Variants in SORCS1 observed in about 807,000 individuals in gnomAD.
The protein encoded by SORCS1 is sortilin related VPS10 domain containing receptor 1.
SORCS1 carries 60 observed loss-of-function variants against 146.1 expected under a neutral mutation model. The observed-to-expected ratio is 0.41, with a 90% CI of 0.33 to 0.51. The LOEUF (loss-of-function observed/expected upper bound fraction) is 0.51. Ranked by LOEUF, SORCS1 falls within the 20% of genes least tolerant of loss-of-function variation. The pLI is 0.21. For missense variants in SORCS1, 1,352 were observed against 1,487.6 expected (o/e 0.91, Z 1.50); for synonymous variants, 637 against 584.0 (o/e 1.09, Z -1.31).
chr10:106,579,808 T>C (rs979523209), intron 24 of SORCS1, among the ~76,000 whole-genome samples: 2 of 152,188 alleles, frequency 1.3e-5, no homozygotes, highest in African/African-American at 4.8e-5. Context: ...AATAATGGTA[T>C]ATACTTCATT....
intron 20 of SORCS1, 181 bp downstream of exon 20, chr10:106,620,247 C>A (rs1847647926): frequency 1.6e-6 from 1 of 617,692 alleles, no homozygotes; most frequent in Middle Eastern, 3.5e-4. Context: ...TGGAGAGGGG[C>A]CAGAGAGAGA....
At chr10:107,175,645 A>T in the SORCS1 span, among the ~76,000 whole-genome samples, 1 of 152,090 alleles carries the variant, frequency 6.6e-6, no homozygotes, top group Non-Finnish European at 1.5e-5. Flanking sequence ...CATGTGACCC[A>T]GGCTGGTCTC....
chr10:107,033,765 G>A (rs971652401), intron 1 of SORCS1, among the ~76,000 whole-genome samples: 1 of 152,212 alleles, frequency 6.6e-6, no homozygotes, highest in Non-Finnish European at 1.5e-5. Context: ...GCTTATCGAA[G>A]TTTTTGCTGC....
At chr10:106,727,405 A>G (rs1031879337) in intron 6 of SORCS1, among the ~76,000 whole-genome samples, 21 of 152,180 alleles carry the variant, frequency 1.4e-4, no homozygotes, top group African/African-American at 2.9e-4. Flanking sequence ...TAAAGTTGCT[A>G]TTCACAGTTG....
At chr10:107,143,060 T>C (rs1249789965) in intron 1 of SORCS1, among the ~76,000 whole-genome samples, 3 of 152,220 alleles carry the variant, frequency 2.0e-5, no homozygotes, top group Non-Finnish European at 2.9e-5. Flanking sequence ...CTGTGTGCAC[T>C]GGCCCTGCCC....
intron 2 of SORCS1, among the ~76,000 whole-genome samples, chr10:106,896,685 G>A (rs979319904): frequency 1.3e-5 from 2 of 151,236 alleles, no homozygotes; most frequent in Non-Finnish European, 2.9e-5. Flanking sequence ...AGATTAAAAT[G>A]AACTTTGACA....
Position 106,708,756 on chromosome 10 carries a change from A to C in SORCS1, c.1143+467T>G, listed in dbSNP as rs527594939. Reference sequence around the variant, plus strand: ...CCTCTGCCTCCCACTATCTCCAGCCACCCCACAGCTTCCCTTCCCATTCCT... The same window carrying C: ...CCTCTGCCTCCCACTATCTCCAGCCCCCCCACAGCTTCCCTTCCCATTCCT... On this transcript the variant is annotated intron_variant, in intron 7 of 25. Transcript: ENST00000263054. Among the ~76,000 whole-genome samples the C allele has an allele frequency of 2.2e-3, 333 of 152,154 alleles. 2 individuals are homozygous for C. Among genetic ancestry groups the C allele is most frequent in the African/African-American group, 7.3e-3 (305 of 41,510 alleles).
chr10:107,176,193 A>T, the SORCS1 span, among the ~76,000 whole-genome samples: 3 of 152,000 alleles, frequency 2.0e-5, no homozygotes, highest in Admixed American at 6.6e-5. Flanking sequence ...GTTATTAAAA[A>T]GTATTATATG....
At chr10:106,652,358 G>T (rs1469237797) in intron 18 of SORCS1, 24 bp downstream of exon 18, 3 of 1,575,452 alleles carry the variant, frequency 1.9e-6, no homozygotes, top group African/African-American at 1.3e-5. Context: ...TAGAAAGTAG[G>T]GGGGAGATAG....
chr10:107,000,880 A>G (rs1957188504), intron 1 of SORCS1, among the ~76,000 whole-genome samples: 1 of 152,130 alleles, frequency 6.6e-6, no homozygotes, highest in Admixed American at 6.5e-5. Context: ...AAAGGAAGAT[A>G]TCAGTGACTA....
intron 21 of SORCS1, among the ~76,000 whole-genome samples, chr10:106,613,914 T>A (rs896713915): frequency 7.9e-5 from 12 of 151,900 alleles, no homozygotes; most frequent in Non-Finnish European, 1.6e-4. Context: ...TGTAGCAAAC[T>A]CCCCTCTCAT....
intron 3 of SORCS1, among the ~76,000 whole-genome samples, chr10:106,815,065 T>C (rs983258926): frequency 6.6e-6 from 1 of 152,048 alleles, no homozygotes; most frequent in African/African-American, 2.4e-5. Flanking sequence ...CTTCACGCCC[T>C]TCTCCTGCCT....
intron 5 of SORCS1, among the ~76,000 whole-genome samples, chr10:106,743,974 C>T (rs889015720): frequency 2.0e-5 from 3 of 152,066 alleles, no homozygotes; most frequent in Non-Finnish European, 2.9e-5. Context: ...CATCATATCA[C>T]GAACACAGCG....
intron 22 of SORCS1, among the ~76,000 whole-genome samples, chr10:106,611,086 G>GA (rs965025445): frequency 3.0e-4 from 43 of 141,856 alleles, no homozygotes; most frequent in East Asian, 6.1e-4. Context: ...TCTCATAAAA[G>GA]AAAAAAAAAA....
intron 1 of SORCS1, among the ~76,000 whole-genome samples, chr10:107,143,606 C>A (rs763321183): frequency 6.6e-6 from 1 of 152,112 alleles, no homozygotes; most frequent in Non-Finnish European, 1.5e-5. Flanking sequence ...TGGGTTCAAG[C>A]GATTCTCCTG....
At position 106,956,522 on chromosome 10, in the gene SORCS1, G is replaced by C; in HGVS notation, c.617C>G (p.Ser206Trp). Residue 206 changes from serine to tryptophan, a missense_variant, in exon 2 of 26, where the codon TCG (serine) becomes TGG (tryptophan). Physicochemically the swap from Ser to Trp is radical, Grantham distance 177 (BLOSUM62 -3). Around this residue, in one of 3 missense-constraint regions of SORCS1, gnomAD observed 490 missense variants for 489.1 expected, o/e 1.00. Transcript: ENST00000263054. ...CCATTTATCTACATACCTCCAAAGC[G>C]AGCTCTCTGTGATGCTCCCCAGGTT... ...DYNLGSITES[S>W]LWRSTDYGTT... The C allele has an allele frequency of 1.2e-6, 2 of 1,613,984 alleles. No individual in the cohort carries two copies. Among genetic ancestry groups the C allele is most frequent in the Non-Finnish European group, 1.7e-6 (2 of 1,179,910 alleles).
At chr10:106,725,803 C>T (rs372331429) in intron 6 of SORCS1, among the ~76,000 whole-genome samples, 28 of 151,598 alleles carry the variant, frequency 1.8e-4, no homozygotes, top group East Asian at 1.2e-3. Flanking sequence ...TGGTGGTGCA[C>T]GCCTGGAGTC....
intron 24 of SORCS1, among the ~76,000 whole-genome samples, chr10:106,589,110 C>T (rs1375619624): frequency 2.0e-5 from 3 of 152,150 alleles, no homozygotes; most frequent in African/African-American, 7.2e-5. Flanking sequence ...AACTAGTCAG[C>T]TCCAGCTCTT....
At chr10:106,910,178 A>C (rs1409447018) in intron 2 of SORCS1, among the ~76,000 whole-genome samples, 1 of 152,146 alleles carries the variant, frequency 6.6e-6, no homozygotes, top group Non-Finnish European at 1.5e-5. Flanking sequence ...TTGAGGTGGA[A>C]GAAAGTAGTT....
Sources: allele counts gnomAD v4.1 joint callset (sites outside exome capture counted in the v4.1 genomes callset), GRCh38; gene constraint gnomAD v4.1.1; regional missense constraint gnomAD v4.1.1; transcripts MANE v1.5; gene names NCBI Gene and HGNC (gene_info 2026-07-23, HGNC 2026-07-21).